Variants in LRP1B observed in about 807,000 individuals in gnomAD.
The protein encoded by LRP1B is low-density lipoprotein receptor-related protein 1B.
A neutral mutation model predicts 556.6 loss-of-function variants in LRP1B; 217 were observed. That is an observed-to-expected ratio of 0.39 (90% CI 0.35 to 0.44). The LOEUF (loss-of-function observed/expected upper bound fraction) is 0.44, where lower values mean the gene tolerates loss of function less well. Among genes scored for constraint, LRP1B ranks in the 20% least tolerant of loss-of-function variants. The pLI, the probability that LRP1B is intolerant of heterozygous loss-of-function variation, is 1.00. For missense variants in LRP1B, 5,053 were observed against 5,620.8 expected (o/e 0.90, Z 3.23); for synonymous variants, 2,047 against 1,865.8 (o/e 1.10, Z -2.50).
intron 32 of LRP1B, among the ~76,000 whole-genome samples, chr2:140,790,293 G>A (rs1422331400): frequency 2.6e-5 from 4 of 152,040 alleles, no homozygotes; most frequent in African/African-American, 7.2e-5. Flanking sequence ...TACTGAATAC[G>A]CCCCATATTT....
At chr2:140,513,555 G>A (rs1252727668) in intron 51 of LRP1B, among the ~76,000 whole-genome samples, 1 of 151,766 alleles carries the variant, frequency 6.6e-6, no homozygotes, top group South Asian at 2.1e-4. Context: ...TTGTATAACT[G>A]TAAATGGTTT....
At chr2:141,981,231 C>A (rs1287830038) in intron 1 of LRP1B, among the ~76,000 whole-genome samples, 1 of 151,940 alleles carries the variant, frequency 6.6e-6, no homozygotes, top group Admixed American at 6.6e-5. Flanking sequence ...TCAAACAAGG[C>A]CATGGTATAG....
intron 2 of LRP1B, among the ~76,000 whole-genome samples, chr2:141,726,096 A>T (rs1273833089): frequency 6.6e-6 from 1 of 151,640 alleles, no homozygotes; most frequent in Admixed American, 6.6e-5. Flanking sequence ...AAATTATTTA[A>T]GTATGACTTC....
intron 79 of LRP1B, 37 bp from the exon 80 acceptor site, chr2:140,325,915 TAAATTTGA>T (rs1680448027): frequency 1.6e-6 from 2 of 1,257,152 alleles, no homozygotes; most frequent in African/African-American, 3.0e-5. Context: ...ATAGTGCAAG[TAAATTTGA>T]AATCATTCAA....
chr2:141,703,361 T>C (rs1347480467), intron 2 of LRP1B, among the ~76,000 whole-genome samples: 1 of 151,946 alleles, frequency 6.6e-6, no homozygotes, highest in Non-Finnish European at 1.5e-5. Flanking sequence ...CTCCAGGGTG[T>C]TAAATTAAAA....
At chr2:141,715,771 C>T (rs1466146744) in intron 2 of LRP1B, among the ~76,000 whole-genome samples, 1 of 152,016 alleles carries the variant, frequency 6.6e-6, no homozygotes, top group Admixed American at 6.6e-5. Flanking sequence ...GCCAAGATCG[C>T]GTCATTGCAC....
intron 37 of LRP1B, among the ~76,000 whole-genome samples, chr2:140,704,272 T>C (rs1686749179): frequency 6.6e-6 from 1 of 152,150 alleles, no homozygotes; most frequent in African/African-American, 2.4e-5. Context: ...TACAAAGTGA[T>C]ACTTAACTAG....
intron 43 of LRP1B, among the ~76,000 whole-genome samples, chr2:140,595,885 A>G (rs1284994119): frequency 1.3e-5 from 2 of 152,176 alleles, no homozygotes; most frequent in African/African-American, 4.8e-5. Flanking sequence ...TTAAAGAAGT[A>G]AACTTCCAAC....
chr2:140,343,819 G>A (rs1301099633), intron 77 of LRP1B, among the ~76,000 whole-genome samples: 2 of 151,388 alleles, frequency 1.3e-5, no homozygotes, highest in Admixed American at 1.3e-4. Flanking sequence ...GGGTGAAAGG[G>A]GACAGAGAAA....
rs1453605731 is a variant in LRP1B, at chr2:140,956,104, T to C, written c.2888-4164A>G. 4.0e-5 allele frequency among the ~76,000 whole-genome samples: 6 copies of C among 151,684 alleles called. No individual in the cohort carries two copies. In the East Asian group the frequency reaches 9.6e-4, roughly 24 times the overall value. ...TATTATCTTCACCTGAAAAAGACAA[T>C]AATAAACACATTACCTATTATTTAT... On this transcript the variant is annotated intron_variant, in intron 18 of 90. Coordinates refer to ENST00000389484, the MANE Select transcript of LRP1B (RefSeq NM_018557.3).
intron 41 of LRP1B, among the ~76,000 whole-genome samples, chr2:140,629,553 A>C (rs1683803971): frequency 6.6e-6 from 1 of 152,248 alleles, no homozygotes; most frequent in South Asian, 2.1e-4. Context: ...AGTCCAGTAC[A>C]TAAAAATGTG....
At chr2:141,848,420 C>A (rs1301404294) in intron 1 of LRP1B, among the ~76,000 whole-genome samples, 2 of 151,334 alleles carry the variant, frequency 1.3e-5, no homozygotes, top group African/African-American at 2.4e-5. Flanking sequence ...GAAAACTACT[C>A]ATCATAACAG....
chr2:140,444,930 T>A (rs56683503), intron 63 of LRP1B, among the ~76,000 whole-genome samples: 38,081 of 151,930 alleles, frequency 0.25, 4,970 homozygotes, highest in Non-Finnish European at 0.28. Flanking sequence ...TATATTTTTT[T>A]AAAAATTTAA....
chr2:141,972,096 G>C (rs1448996249), intron 1 of LRP1B, among the ~76,000 whole-genome samples: 1 of 151,442 alleles, frequency 6.6e-6, no homozygotes, highest in Non-Finnish European at 1.5e-5. Context: ...TGCATAACTT[G>C]ATGTTTGCAA....
intron 40 of LRP1B, 145 bp from the exon 41 acceptor site, chr2:140,700,766 A>G (rs184554184): frequency 1.2e-6 from 1 of 835,358 alleles, no homozygotes; most frequent in Non-Finnish European, 1.8e-6. Flanking sequence ...ATAAAAAATT[A>G]AAAAAGTATT....
intron 5 of LRP1B, among the ~76,000 whole-genome samples, chr2:141,242,502 T>C (rs1156986542): frequency 6.6e-6 from 1 of 152,094 alleles, no homozygotes; most frequent in Non-Finnish European, 1.5e-5. Context: ...CTACAATTCC[T>C]GTTCTTACAA....
At chr2:141,649,277 G>T (rs540027894) in intron 2 of LRP1B, among the ~76,000 whole-genome samples, 1 of 152,298 alleles carries the variant, frequency 6.6e-6, no homozygotes, top group South Asian at 2.1e-4. Context: ...GATTTCTGAA[G>T]ATGAAGCAGC....
At chr2:140,753,522 C>T (rs1688651400) in intron 35 of LRP1B, among the ~76,000 whole-genome samples, 3 of 152,050 alleles carry the variant, frequency 2.0e-5, no homozygotes, top group Admixed American at 2.0e-4. Context: ...CATGAGAAGC[C>T]TAGTAGACTC....
intron 18 of LRP1B, among the ~76,000 whole-genome samples, chr2:140,965,858 T>C (rs1696198346): frequency 6.9e-6 from 1 of 144,296 alleles, no homozygotes; most frequent in Admixed American, 7.2e-5. Flanking sequence ...TCTAGCTTCA[T>C]CCACGTCCCT....
Sources: allele counts gnomAD v4.1 joint callset (sites outside exome capture counted in the v4.1 genomes callset), GRCh38; gene constraint gnomAD v4.1.1; transcripts MANE v1.5; gene names NCBI Gene and HGNC (gene_info 2026-07-23, HGNC 2026-07-21).